IGF2R: variants seen among roughly 807,000 people sequenced by gnomAD.
IGF2R encodes the protein insulin like growth factor 2 receptor, also known as cation-independent mannose-6-phosphate receptor.
A neutral mutation model predicts 270.6 loss-of-function variants in IGF2R; 91 were observed. The observed-to-expected ratio is 0.34, with a 90% CI of 0.28 to 0.40. The LOEUF (loss-of-function observed/expected upper bound fraction) is 0.40, where lower values mean the gene tolerates loss of function less well. Ranked by LOEUF, IGF2R falls within the 10% of genes least tolerant of loss-of-function variation. The pLI is 1.00. For missense variants in IGF2R, 2,805 were observed against 3,188.3 expected (o/e 0.88, Z 2.90); for synonymous variants, 1,316 against 1,258.9 (o/e 1.05, Z -0.96).
At chr6:159,986,267 T>G (rs1156634978) in intron 1 of IGF2R, among the ~76,000 whole-genome samples, 1 of 150,720 alleles carries the variant, frequency 6.6e-6, no homozygotes, top group East Asian at 1.9e-4. Context: ...AGTCTCACTC[T>G]GTCACCCAGT....
At chr6:160,070,110 C>T (rs1778683356) in intron 31 of IGF2R, 52 bp downstream of exon 31, 2 of 1,566,260 alleles carry the variant, frequency 1.3e-6, no homozygotes, top group Non-Finnish European at 8.8e-7. Context: ...GAATTGAGCC[C>T]ATGTGCAGGG....
At chr6:160,064,326 G>A (rs750858819) in intron 27 of IGF2R, 75 bp from the exon 28 acceptor site, 16 of 1,550,348 alleles carry the variant, frequency 1.0e-5, no homozygotes, top group South Asian at 5.6e-5. Flanking sequence ...GGTGTGTGGT[G>A]TCACATGTCT....
At chr6:160,075,216 T>G (rs930488669) in intron 35 of IGF2R, among the ~76,000 whole-genome samples, 3 of 152,240 alleles carry the variant, frequency 2.0e-5, no homozygotes, top group African/African-American at 7.2e-5. Context: ...GTTTTTTGTT[T>G]TTTTTCTCAT....
intron 30 of IGF2R, 43 bp from the exon 31 acceptor site, chr6:160,069,825 G>C (rs750709649): frequency 6.3e-7 from 1 of 1,583,902 alleles, no homozygotes; most frequent in Non-Finnish European, 8.7e-7. Context: ...TTCTAGCCTG[G>C]GGAGTCACTA....
rs1248744937 is a variant in IGF2R, at chr6:160,061,892, C to T, written c.3546C>T (p.Phe1182=). The T allele has an allele frequency of 8.1e-6, 13 of 1,614,074 alleles. No individual in the cohort carries two copies. The highest frequency in any genetic ancestry group is 1.1e-5 in the Non-Finnish European group (13 of 1,180,036). The change falls in exon 25 of 48, where the codon TTC becomes TTT. Residue 1182 remains phenylalanine (F), a synonymous_variant. Transcript: ENST00000356956. The part of the protein sequence containing the change: ...VNGDKCGNQR[F]STRITFECAQ... ...GTGACAAGTGTGGGAACCAGCGCTT[C>T]TCCACCAGGATCACGTTTGAGTGTG...
chr6:160,067,599 C>T (rs1031542887), intron 29 of IGF2R, among the ~76,000 whole-genome samples: 2 of 152,188 alleles, frequency 1.3e-5, no homozygotes, highest in Admixed American at 6.5e-5. Context: ...CCCTCTGAAG[C>T]GCTAAGAGCT....
intron 1 of IGF2R, among the ~76,000 whole-genome samples, chr6:159,985,217 C>T (rs1306373788): frequency 6.6e-6 from 1 of 152,156 alleles, no homozygotes; most frequent in Admixed American, 6.5e-5. Context: ...GAATGTTTTG[C>T]CAGTTTTTGT....
intron 29 of IGF2R, among the ~76,000 whole-genome samples, chr6:160,067,107 T>A (rs548539863): frequency 1.3e-5 from 2 of 152,318 alleles, no homozygotes; most frequent in East Asian, 3.9e-4. Flanking sequence ...AAGTTCTTCC[T>A]CTGATGGACA....
At chr6:160,101,335 G>A (rs1779480989) in intron 45 of IGF2R, among the ~76,000 whole-genome samples, 1 of 152,206 alleles carries the variant, frequency 6.6e-6, no homozygotes, top group Non-Finnish European at 1.5e-5. Context: ...TGGGTGAGTG[G>A]GTTTCTGGCT....
intron 14 of IGF2R, 43 bp downstream of exon 14, chr6:160,045,925 C>T (rs1778058915): frequency 1.4e-6 from 2 of 1,472,102 alleles, no homozygotes. Context: ...TGACTTGGAA[C>T]CACTTAAGGT....
intron 31 of IGF2R, among the ~76,000 whole-genome samples, chr6:160,071,492 T>C (rs1208692001): frequency 6.6e-6 from 1 of 152,218 alleles, no homozygotes; most frequent in East Asian, 1.9e-4. Context: ...TGGAATGGGC[T>C]AGTTCTCTTG....
intron 45 of IGF2R, 111 bp downstream of exon 45, chr6:160,096,736 C>G: frequency 2.2e-6 from 2 of 899,746 alleles, no homozygotes; most frequent in Middle Eastern, 4.5e-4. Flanking sequence ...AGAACATGCA[C>G]CAAAAAATAG....
rs145047577 is a variant in IGF2R at position 160,047,872 on chromosome 6, C to T, written c.2310C>T (p.Thr770=). 43 of 1,613,564 alleles carry T rather than the reference C, an allele frequency of 2.7e-5. No individual in the cohort carries two copies. The South Asian group carries it at 3.3e-4, about 12-fold the overall frequency. Residue 770 remains threonine (T), a synonymous_variant, in exon 17 of 48, where the codon ACC becomes ACT. Coordinates refer to ENST00000356956, the MANE Select transcript of IGF2R (RefSeq NM_000876.4). Reference sequence around the variant, plus strand: ...AGGAGCCCCTGGAATGCGTAGTGACCGACCCCTCCACGCTGGAGCAGTACG... The same window carrying T: ...AGGAGCCCCTGGAATGCGTAGTGACTGACCCCTCCACGCTGGAGCAGTACG... ...CPEEPLECVV[T]DPSTLEQYDL... is the part of the protein sequence containing the mutation.
intron 30 of IGF2R, among the ~76,000 whole-genome samples, chr6:160,069,576 C>T (rs1778669232): frequency 6.6e-6 from 1 of 152,154 alleles, no homozygotes; most frequent in East Asian, 1.9e-4. Flanking sequence ...GGAATATAAC[C>T]TTCATCCTAT....
chr6:160,069,844 T>A, intron 30 of IGF2R, 24 bp from the exon 31 acceptor site: 2 of 1,610,106 alleles, frequency 1.2e-6, no homozygotes, highest in Non-Finnish European at 1.7e-6. Flanking sequence ...TAAAGGCAAC[T>A]CTTTCTTGTG....
At chr6:160,075,745 C>A in intron 35 of IGF2R, 102 bp from the exon 36 acceptor site, 1 of 1,195,084 alleles carries the variant, frequency 8.4e-7, no homozygotes, top group Non-Finnish European at 1.2e-6. Flanking sequence ...TTCTCAGAAC[C>A]TATGAGGTCT....
rs1173503424 is a variant in IGF2R at position 160,090,014 on chromosome 6, C to T, written c.6566C>T (p.Ser2189Phe). Residue 2189 changes from serine to phenylalanine, a missense_variant, in exon 44 of 48, where the codon TCT becomes TTT. Ser to Phe is a radical substitution (Grantham distance 155, BLOSUM62 -2). This residue lies in a region of IGF2R where 1,851 missense variants were observed against 2,207.2 expected (regional missense o/e 0.84). Transcript: ENST00000356956. ...SITSSRNPAC[S>F]GANICQVKPN... Reference sequence around the variant, plus strand: ...ACAAGCTCCAGAAACCCGGCGTGCTCTGGAGCCAACATATGCCAGGTGAAG... The same window carrying T: ...ACAAGCTCCAGAAACCCGGCGTGCTTTGGAGCCAACATATGCCAGGTGAAG... The T allele has an allele frequency of 3.1e-6, 5 of 1,606,472 alleles. No individual in the cohort carries two copies. The highest frequency in any genetic ancestry group is 4.2e-6 in the Non-Finnish European group (5 of 1,176,682).
Position 160,072,762 on chromosome 6 carries a change from C to T in IGF2R, c.4571-3C>T, listed in dbSNP as rs770533141. The T allele has an allele frequency of 3.7e-6, 6 of 1,614,092 alleles. No homozygotes were observed. In the East Asian group the frequency reaches 8.9e-5, roughly 24 times the overall value. ...TGTGTCCCCATCTTCTTCCACCCTA[C>T]AGGACACCTGTTTGATCTGAGCTCC... On this transcript the variant is annotated splice_polypyrimidine_tract_variant and splice_region_variant and intron_variant, in intron 32 of 47. Transcript: ENST00000356956.
chr6:160,052,820 C>G (rs926228261), intron 19 of IGF2R, among the ~76,000 whole-genome samples: 1 of 152,122 alleles, frequency 6.6e-6, no homozygotes, highest in African/African-American at 2.4e-5. Flanking sequence ...CTGACAAAAA[C>G]AAGAAATGGG....
Sources: gnomAD v4.1 joint callset for allele counts (sites outside exome capture counted in the v4.1 genomes callset) on GRCh38, gnomAD v4.1.1 for gene constraint, gnomAD v4.1.1 regional missense constraint, MANE v1.5 for transcripts, NCBI Gene and HGNC (gene_info 2026-07-23, HGNC 2026-07-21) for gene names.